Variants in LPP observed in about 807,000 individuals in gnomAD.
LPP encodes lipoma-preferred partner.
Under a neutral mutation model 60.4 loss-of-function variants are expected in LPP, and 38 were observed. The observed-to-expected ratio is 0.63, with a 90% confidence interval of 0.49 to 0.83. LPP has a LOEUF of 0.83. LPP is among the 40% of genes least tolerant of loss of function. The probability of loss-of-function intolerance (pLI) is 0.00; values close to 1 mark genes in which losing one functional copy is unlikely to be tolerated. For missense variants in LPP, 902 were observed against 783.6 expected (o/e 1.15, Z -1.80); for synonymous variants, 328 against 290.8 (o/e 1.13, Z -1.30).
In LPP at chr3:188,406,246, CA is replaced by C; in HGVS notation, c.131del (p.Lys44SerfsTer5). On this transcript the variant is annotated frameshift_variant, in exon 4 of 12. Transcript: ENST00000617246. LOFTEE classifies it high-confidence loss of function. ...TTTCAGTGTCTACACAACAGCCACC[CA>C]AAAAGTTTGCCCCGGTAGTTGCTCC... ...SISVSTQQPP[K>X]KFAPVVAPKP... is the part of the protein sequence containing the mutation. The C allele has an allele frequency of 6.2e-7, 1 of 1,614,134 alleles. No individual in the cohort carries two copies. The highest frequency in any genetic ancestry group is 8.5e-7 in the Non-Finnish European group (1 of 1,180,010).
At chr3:188,527,258 G>A (rs183040641) in intron 6 of LPP, among the ~76,000 whole-genome samples, 1 of 149,864 alleles carries the variant, frequency 6.7e-6, no homozygotes, top group Admixed American at 6.7e-5. Context: ...GCTGAGGCAG[G>A]AGAATCGTTT....
chr3:188,342,287 C>T (rs139956754), intron 3 of LPP, among the ~76,000 whole-genome samples: 7 of 152,290 alleles, frequency 4.6e-5, no homozygotes, highest in Non-Finnish European at 8.8e-5. Context: ...TGAAACCTTG[C>T]ATCCATTGTA....
chr3:188,193,367 T>C (rs1577212128), intron 1 of LPP, among the ~76,000 whole-genome samples: 1 of 152,280 alleles, frequency 6.6e-6, no homozygotes, highest in Middle Eastern at 3.4e-3. Flanking sequence ...GCTGTCTAGA[T>C]CTGTGTCTGT....
chr3:188,442,547 T>A (rs1429676085), intron 4 of LPP, among the ~76,000 whole-genome samples: 1 of 152,190 alleles, frequency 6.6e-6, no homozygotes, highest in African/African-American at 2.4e-5. Context: ...AACACTTACA[T>A]TGCTCACGTA....
At chr3:188,673,349 G>C (rs889557468) in intron 7 of LPP, among the ~76,000 whole-genome samples, 15 of 151,912 alleles carry the variant, frequency 9.9e-5, no homozygotes. Flanking sequence ...ACAAACCACT[G>C]TAGAGTCATA....
chr3:188,771,304 G>A (rs958589913), intron 9 of LPP, among the ~76,000 whole-genome samples: 3 of 151,950 alleles, frequency 2.0e-5, no homozygotes, highest in African/African-American at 4.8e-5. Context: ...ATCCCAGCAC[G>A]TTGGGAGGCC....
intron 6 of LPP, among the ~76,000 whole-genome samples, chr3:188,545,518 G>A (rs1159367858): frequency 6.6e-6 from 1 of 151,950 alleles, no homozygotes; most frequent in Non-Finnish European, 1.5e-5. Flanking sequence ...AATTTTGATA[G>A]TACTCCATGA....
At chr3:188,421,532 C>A in intron 4 of LPP, among the ~76,000 whole-genome samples, 1 of 152,158 alleles carries the variant, frequency 6.6e-6, no homozygotes, top group East Asian at 1.9e-4. Flanking sequence ...CATTGCCTAA[C>A]CTAGTTGGCC....
intron 9 of LPP, among the ~76,000 whole-genome samples, chr3:188,865,488 C>G (rs6444334): frequency 0.24 from 36,950 of 152,084 alleles, 6,007 homozygotes; most frequent in East Asian, 0.8. Flanking sequence ...TGCTCTGTCT[C>G]AGTCATCTGA....
At chr3:188,549,610 T>C (rs1484755082) in intron 6 of LPP, among the ~76,000 whole-genome samples, 1 of 152,196 alleles carries the variant, frequency 6.6e-6, no homozygotes, top group African/African-American at 2.4e-5. Flanking sequence ...GCATTGTGCT[T>C]TATCTCCTTG....
At chr3:188,372,693 T>C (rs540156182) in intron 3 of LPP, among the ~76,000 whole-genome samples, 1 of 151,482 alleles carries the variant, frequency 6.6e-6, no homozygotes, top group East Asian at 1.9e-4. Context: ...GGCTTCTTTT[T>C]GTTTTTTTTT....
chr3:188,588,284 G>T (rs1837927020), intron 6 of LPP, among the ~76,000 whole-genome samples: 1 of 151,984 alleles, frequency 6.6e-6, no homozygotes, highest in South Asian at 2.1e-4. Flanking sequence ...TGAAAAAACG[G>T]TCCCCTCTCT....
chr3:188,760,732 A>C (rs1236575011), intron 9 of LPP, among the ~76,000 whole-genome samples: 1 of 152,140 alleles, frequency 6.6e-6, no homozygotes, highest in Non-Finnish European at 1.5e-5. Flanking sequence ...CCTCTTCCAG[A>C]ATACTGGGCC....
chr3:188,499,086 C>T (rs1579381207), intron 5 of LPP, among the ~76,000 whole-genome samples: 1 of 151,984 alleles, frequency 6.6e-6, no homozygotes, highest in East Asian at 1.9e-4. Flanking sequence ...ATACTTTCTC[C>T]CATTTTGAAG....
chr3:188,246,824 G>C (rs1727127513), intron 2 of LPP, among the ~76,000 whole-genome samples: 1 of 152,132 alleles, frequency 6.6e-6, no homozygotes, highest in African/African-American at 2.4e-5. Context: ...AAAATATCTT[G>C]TTCGAAGTTA....
At chr3:188,164,593 C>T (rs910779910) in intron 1 of LPP, among the ~76,000 whole-genome samples, 7 of 152,132 alleles carry the variant, frequency 4.6e-5, no homozygotes, top group Middle Eastern at 3.2e-3. Flanking sequence ...CTGGGTGTGC[C>T]CTGACTCATG....
At chr3:188,822,915 G>A (rs1754387935) in intron 9 of LPP, among the ~76,000 whole-genome samples, 1 of 151,996 alleles carries the variant, frequency 6.6e-6, no homozygotes, top group Non-Finnish European at 1.5e-5. Flanking sequence ...TTTTTTATTG[G>A]TGTTTATTCT....
intron 5 of LPP, among the ~76,000 whole-genome samples, chr3:188,516,192 A>C (rs1579549720): frequency 6.6e-6 from 1 of 152,342 alleles, no homozygotes; most frequent in South Asian, 2.1e-4. Flanking sequence ...TTGGAAAGCT[A>C]AACACTTCAA....
intron 6 of LPP, among the ~76,000 whole-genome samples, chr3:188,564,300 G>T (rs970960137): frequency 1.3e-5 from 2 of 151,930 alleles, no homozygotes; most frequent in African/African-American, 4.8e-5. Context: ...GAAAATGTAG[G>T]TATGTAAGAG....
Sources: allele counts gnomAD v4.1 joint callset (sites outside exome capture counted in the v4.1 genomes callset), GRCh38; gene constraint gnomAD v4.1.1; transcripts MANE v1.5; gene names NCBI Gene and HGNC (gene_info 2026-07-23, HGNC 2026-07-21).